CREB5: variants seen among roughly 807,000 people sequenced by gnomAD.
CREB5 encodes cyclic AMP-responsive element-binding protein 5.
In CREB5, 19 loss-of-function variants were observed where a neutral mutation model predicts 57.1. The observed-to-expected ratio is 0.33, with a 90% CI of 0.23 to 0.49. The LOEUF is 0.49. Among genes scored for constraint, CREB5 ranks in the 20% least tolerant of loss-of-function variants. The pLI is 0.99. For synonymous variants in CREB5, 238 were observed against 238.3 expected (o/e 1.00, Z 0.01); for missense variants, 579 against 671.6 (o/e 0.86, Z 1.52).
intron 5 of CREB5, among the ~76,000 whole-genome samples, chr7:28,694,193 TA>T (rs1801419400): frequency 6.6e-6 from 1 of 152,224 alleles, no homozygotes; most frequent in African/African-American, 2.4e-5. Flanking sequence ...CACTTTGCAA[TA>T]AAGGACTGAT....
At chr7:28,622,325 A>T (rs1797838948) in intron 5 of CREB5, among the ~76,000 whole-genome samples, 1 of 151,856 alleles carries the variant, frequency 6.6e-6, no homozygotes, top group Admixed American at 6.6e-5. Context: ...ATATCCCCTT[A>T]GAGATGTTCA....
At chr7:28,515,647 T>G (rs950442059) in intron 4 of CREB5, among the ~76,000 whole-genome samples, 7 of 152,100 alleles carry the variant, frequency 4.6e-5, no homozygotes, top group African/African-American at 1.7e-4. Context: ...CTCCCTACCC[T>G]CTTTCGTTCC....
intron 1 of CREB5, among the ~76,000 whole-genome samples, chr7:28,339,922 C>T (rs1785900496): frequency 6.6e-6 from 1 of 152,236 alleles, no homozygotes; most frequent in Non-Finnish European, 1.5e-5. Context: ...TGTGCCACCA[C>T]AGGCCCACGG....
At chr7:28,313,760 T>C (rs1785324703) in intron 1 of CREB5, among the ~76,000 whole-genome samples, 2 of 152,196 alleles carry the variant, frequency 1.3e-5, no homozygotes, top group African/African-American at 4.8e-5. Context: ...CTTTGTGGAC[T>C]TGTGACCATT....
At chr7:28,449,905 A>G (rs975740772) in intron 1 of CREB5, among the ~76,000 whole-genome samples, 1 of 152,036 alleles carries the variant, frequency 6.6e-6, no homozygotes, top group African/African-American at 2.4e-5. Context: ...CCCATCCTTT[A>G]CTTCACAGTG....
chr7:28,372,253 A>T (rs4722791), intron 1 of CREB5, among the ~76,000 whole-genome samples: 3 of 152,238 alleles, frequency 2.0e-5, no homozygotes, highest in East Asian at 1.9e-4. Flanking sequence ...AAATGCAGCA[A>T]GTAATATAAA....
intron 7 of CREB5, 128 bp from the exon 8 acceptor site, chr7:28,804,071 G>T: frequency 1.2e-6 from 1 of 812,272 alleles, no homozygotes; most frequent in Non-Finnish European, 2.0e-6. Context: ...GATAGCTACT[G>T]GTAGGAAACA....
chr7:28,557,068 T>TA (rs1794909252), intron 4 of CREB5, among the ~76,000 whole-genome samples: 1 of 149,372 alleles, frequency 6.7e-6, no homozygotes, highest in South Asian at 2.1e-4. Flanking sequence ...AGGGCTTTCC[T>TA]ACAATCTGTT....
chr7:28,405,663 C>T (rs182408405), intron 1 of CREB5, among the ~76,000 whole-genome samples: 22 of 152,266 alleles, frequency 1.4e-4, no homozygotes, highest in Middle Eastern at 3.4e-3. Flanking sequence ...GTTATCCTCC[C>T]GTCTCAGCCT....
intron 1 of CREB5, among the ~76,000 whole-genome samples, chr7:28,480,040 T>A (rs1791258771): frequency 6.7e-6 from 1 of 149,742 alleles, no homozygotes; most frequent in African/African-American, 2.5e-5. Flanking sequence ...CCCCCCACAT[T>A]ATCCAATAAA....
rs117428333 is a variant in CREB5, at chr7:28,610,256, G to T, written c.464+39719G>T. Among the ~76,000 whole-genome samples the T allele has an allele frequency of 1.4e-3, 216 of 152,238 alleles. 3 individuals carry two copies. The East Asian group carries it at 0.036, about 25-fold the overall frequency. On this transcript the variant is annotated intron_variant, in intron 5 of 10. Coordinates refer to ENST00000357727, the MANE Select transcript of CREB5 (RefSeq NM_182898.4). ...AACAGTGGGGAGCTGGAAGCAAGGG[G>T]AGGGGCCAGAGGGAAGGCGGTGAAA...
At chr7:28,660,993 G>C (rs1008004908) in intron 5 of CREB5, among the ~76,000 whole-genome samples, 2 of 149,352 alleles carry the variant, frequency 1.3e-5, no homozygotes, top group Admixed American at 6.7e-5. Flanking sequence ...TTCTCTATCT[G>C]AATAAATTTC....
intron 5 of CREB5, among the ~76,000 whole-genome samples, chr7:28,658,525 A>T (rs1158322216): frequency 6.6e-6 from 1 of 152,210 alleles, no homozygotes; most frequent in African/African-American, 2.4e-5. Flanking sequence ...AAGAGAAGCC[A>T]GTCCCTGCAG....
chr7:28,341,505 G>C (rs917010543), intron 1 of CREB5, among the ~76,000 whole-genome samples: 5 of 152,148 alleles, frequency 3.3e-5, no homozygotes, highest in African/African-American at 1.2e-4. Flanking sequence ...TCTACTTCCT[G>C]GTTGATACTA....
At chr7:28,620,981 C>G (rs937450456) in intron 5 of CREB5, among the ~76,000 whole-genome samples, 3 of 152,104 alleles carry the variant, frequency 2.0e-5, no homozygotes, top group Non-Finnish European at 4.4e-5. Context: ...GAATGCTAAT[C>G]CAAAAAGTTA....
chr7:28,444,470 A>G (rs1326461262), intron 1 of CREB5, among the ~76,000 whole-genome samples: 1 of 152,328 alleles, frequency 6.6e-6, no homozygotes, highest in Non-Finnish European at 1.5e-5. Flanking sequence ...GGTGGCTGGA[A>G]TACCTACCTT....
At chr7:28,753,790 G>GA (rs1481476306) in intron 7 of CREB5, among the ~76,000 whole-genome samples, 1 of 151,948 alleles carries the variant, frequency 6.6e-6, no homozygotes, top group African/African-American at 2.4e-5. Context: ...TGCATTTGGA[G>GA]AAAAAAATTC....
In CREB5 at chr7:28,655,630, G is replaced by T. The variant is rs116313953; in HGVS notation, c.465-63123G>T. ...TGTTTCAAAAACACAAATTAATTAAGTAATTAATTTAATAAGATTAAAAGG... is the reference window on the plus strand; with the variant it reads ...TGTTTCAAAAACACAAATTAATTAATTAATTAATTTAATAAGATTAAAAGG... On this transcript the variant is annotated intron_variant, in intron 5 of 10. Transcript: ENST00000357727. Among the ~76,000 whole-genome samples, 1,006 of 152,052 alleles carry T rather than the reference G, an allele frequency of 6.6e-3. 13 individuals carry two copies. The highest frequency in any genetic ancestry group is 0.024 in the African/African-American group (976 of 41,462).
intron 1 of CREB5, among the ~76,000 whole-genome samples, chr7:28,343,154 A>G (rs1712877747): frequency 6.6e-6 from 1 of 152,038 alleles, no homozygotes; most frequent in Non-Finnish European, 1.5e-5. Flanking sequence ...GTTAGCCAGG[A>G]TGGTCTCGAT....
Sources: gnomAD v4.1 joint callset for allele counts (sites outside exome capture counted in the v4.1 genomes callset) on GRCh38, gnomAD v4.1.1 for gene constraint, MANE v1.5 for transcripts, NCBI Gene and HGNC (gene_info 2026-07-23, HGNC 2026-07-21) for gene names.